Variants in TBC1D32 observed in about 807,000 individuals in gnomAD.
The protein encoded by TBC1D32 is protein broad-minded.
A neutral mutation model predicts 170.3 loss-of-function variants in TBC1D32; 151 were observed. That is an observed-to-expected ratio of 0.89 (90% CI 0.78 to 1.01). The LOEUF is 1.01. Ranked by LOEUF, TBC1D32 falls within the 50% of genes least tolerant of loss-of-function variation. The pLI is 0.00. For synonymous variants in TBC1D32, 498 were observed against 488.0 expected (o/e 1.02, Z -0.27); for missense variants, 1,464 against 1,457.1 (o/e 1.00, Z -0.08).
At chr6:121,270,787 A>T (rs1245719348) in intron 15 of TBC1D32, among the ~76,000 whole-genome samples, 1 of 152,198 alleles carries the variant, frequency 6.6e-6, no homozygotes, top group Non-Finnish European at 1.5e-5. Context: ...CTGATACTAA[A>T]GCCTGGCAGA....
Position 121,281,595 on chromosome 6 carries a change from AATGT to A in TBC1D32, c.1553_1556del (p.Asn518MetfsTer2). ...TAGGCTGAAGAAGTGTCTCTATTACAATGTTGTTATATAAGCATTCCACTGCACA... is the reference window on the plus strand; with the variant it reads ...TAGGCTGAAGAAGTGTCTCTATTACATGTTATATAAGCATTCCACTGCACA... On this transcript the variant is annotated frameshift_variant, in exon 14 of 32. Transcript: ENST00000398212. LOFTEE classifies it high-confidence loss of function. 3.1e-6 allele frequency: 5 copies of A among 1,607,800 alleles called. No homozygotes were observed. The highest frequency in any genetic ancestry group is 3.4e-6 in the Non-Finnish European group (4 of 1,176,200).
rs986292213 is a variant in TBC1D32, at chr6:121,136,283, A to G, written c.2774-4531T>C. On this transcript the variant is annotated intron_variant, in intron 24 of 31. Transcript: ENST00000398212. ...AACAACCTGGGTCAATCTCAAAAAC[A>G]TGATGCTAAGAGAAAGGAAACAGGT... Among the ~76,000 whole-genome samples the G allele has an allele frequency of 3.3e-5, 5 of 152,196 alleles. No homozygotes were observed. In the South Asian group the frequency reaches 1.0e-3, roughly 31 times the overall value.
chr6:121,271,087 A>C (rs2128424932), intron 15 of TBC1D32, among the ~76,000 whole-genome samples: 1 of 152,302 alleles, frequency 6.6e-6, no homozygotes, highest in South Asian at 2.1e-4. Context: ...AACTCTCAAT[A>C]AACTAGGTAT....
At chr6:121,276,249 A>G (rs1300676013) in intron 15 of TBC1D32, among the ~76,000 whole-genome samples, 2 of 152,174 alleles carry the variant, frequency 1.3e-5, no homozygotes, top group African/African-American at 4.8e-5. Context: ...CAGAAACGAT[A>G]TAAGGGACAG....
intron 21 of TBC1D32, among the ~76,000 whole-genome samples, chr6:121,220,481 A>C (rs1490795223): frequency 1.3e-5 from 2 of 152,126 alleles, no homozygotes; most frequent in Non-Finnish European, 2.9e-5. Flanking sequence ...GAAAAGTTTG[A>C]AATTAACAGG....
Position 121,080,782 on chromosome 6 carries a change from G to A in TBC1D32, c.3763C>T (p.Gln1255Ter). ...GTGTGTCTCATGATCTATGTGCTCT[G>A]CAGTCTAATGTTCCGCATGTCTCTC... is the stretch of plus-strand genomic sequence containing the variant. Reference protein sequence around the residue: ...LLRDMRNIRLQST With the variant: ...LLRDMRNIRL The change falls in exon 32 of 32, where the codon CAG becomes TAG. Residue 1255 changes from glutamine to a stop codon, truncating the protein, a stop_gained. Coordinates refer to ENST00000398212, the MANE Select transcript of TBC1D32 (RefSeq NM_152730.6). LOFTEE classifies it high-confidence loss of function. 6.2e-7 allele frequency: 1 copy of A among 1,612,558 alleles called. No individual in the cohort carries two copies. The highest frequency in any genetic ancestry group is 8.5e-7 in the Non-Finnish European group (1 of 1,179,424).
intron 17 of TBC1D32, among the ~76,000 whole-genome samples, chr6:121,252,682 C>T (rs562351598): frequency 2.1e-4 from 32 of 152,054 alleles, no homozygotes; most frequent in Admixed American, 3.9e-4. Context: ...CACATGTATA[C>T]CTATGTAACA....
chr6:121,177,649 G>T (rs1787958311), intron 22 of TBC1D32, among the ~76,000 whole-genome samples: 1 of 151,948 alleles, frequency 6.6e-6, no homozygotes, highest in Admixed American at 6.6e-5. Flanking sequence ...GCTTTCTAAT[G>T]GTTCAATGTA....
At chr6:121,109,771 T>C (rs933112523) in intron 29 of TBC1D32, among the ~76,000 whole-genome samples, 11 of 152,132 alleles carry the variant, frequency 7.2e-5, no homozygotes, top group Non-Finnish European at 1.0e-4. Flanking sequence ...AGTAATATAG[T>C]CATAGTTTAT....
chr6:121,182,378 T>C (rs1173482855), intron 22 of TBC1D32, among the ~76,000 whole-genome samples: 5 of 151,976 alleles, frequency 3.3e-5, no homozygotes, highest in Admixed American at 3.3e-4. Context: ...CAACAAGAAG[T>C]CTAAATGGGT....
intron 1 of TBC1D32, among the ~76,000 whole-genome samples, chr6:121,331,179 C>T (rs1350915555): frequency 6.6e-6 from 1 of 151,610 alleles, no homozygotes; most frequent in African/African-American, 2.4e-5. Flanking sequence ...ACAATTTCCC[C>T]TATAAGTCTT....
At chr6:121,298,005 T>C (rs1186414382) in intron 10 of TBC1D32, among the ~76,000 whole-genome samples, 1 of 152,006 alleles carries the variant, frequency 6.6e-6, no homozygotes, top group Non-Finnish European at 1.5e-5. Flanking sequence ...GAAACACAAA[T>C]GGATGGAGTG....
At chr6:121,318,486 C>T (rs2128497805) in intron 2 of TBC1D32, among the ~76,000 whole-genome samples, 2 of 151,838 alleles carry the variant, frequency 1.3e-5, no homozygotes, top group South Asian at 4.2e-4. Flanking sequence ...CATATGTGAC[C>T]TGAACCACTG....
At chr6:121,268,799 C>T (rs1268251062) in intron 15 of TBC1D32, among the ~76,000 whole-genome samples, 1 of 152,046 alleles carries the variant, frequency 6.6e-6, no homozygotes, top group Admixed American at 6.5e-5. Context: ...AACTGCAAGA[C>T]ACATAATTGT....
intron 22 of TBC1D32, among the ~76,000 whole-genome samples, chr6:121,202,121 A>T (rs909584699): frequency 6.6e-6 from 1 of 150,890 alleles, no homozygotes; most frequent in African/African-American, 2.5e-5. Flanking sequence ...TGGGCTAGAG[A>T]TATAAATGGG....
chr6:121,296,313 C>T (rs1005007300), intron 10 of TBC1D32, among the ~76,000 whole-genome samples: 1 of 152,056 alleles, frequency 6.6e-6, no homozygotes, highest in African/African-American at 2.4e-5. Context: ...CTGAATCCTA[C>T]GAATCCTTCT....
intron 15 of TBC1D32, among the ~76,000 whole-genome samples, chr6:121,273,808 C>A (rs554617711): frequency 2.0e-5 from 3 of 152,048 alleles, no homozygotes; most frequent in African/African-American, 7.2e-5. Context: ...TTAAAGGGGG[C>A]CAACTGTTCA....
intron 3 of TBC1D32, among the ~76,000 whole-genome samples, chr6:121,313,105 GGTGTGTGTGTGTGTGTGTGTGTGTGTGT>G (rs71018125): frequency 0.029 from 3,177 of 111,268 alleles, 144 homozygotes; most frequent in East Asian, 0.12. Flanking sequence ...AAGCTAAGGT[GGTGTGTGTGTGTGTGTGTGTGTGTGTGT>G]GTGTGTGTGT....
At chr6:121,186,630 A>T (rs960282423) in intron 22 of TBC1D32, among the ~76,000 whole-genome samples, 3 of 152,106 alleles carry the variant, frequency 2.0e-5, no homozygotes, top group Non-Finnish European at 4.4e-5. Flanking sequence ...TTTATATATT[A>T]AAAAGGAAAT....
Sources: allele counts gnomAD v4.1 joint callset (sites outside exome capture counted in the v4.1 genomes callset), GRCh38; gene constraint gnomAD v4.1.1; transcripts MANE v1.5; gene names NCBI Gene and HGNC (gene_info 2026-07-23, HGNC 2026-07-21).